The following SDK1 variants were observed in gnomAD, a reference collection of about 807,000 sequenced individuals.
SDK1 encodes protein sidekick-1.
SDK1 carries 157 observed loss-of-function variants against 245.5 expected under a neutral mutation model. The ratio of observed to expected loss-of-function variants is 0.64; its 90% CI spans 0.56 to 0.73. The LOEUF is 0.73. Among genes scored for constraint, SDK1 ranks in the 30% least tolerant of loss-of-function variants. The pLI, the probability that SDK1 is intolerant of heterozygous loss-of-function variation, is 0.00. For synonymous variants in SDK1, 1,647 were observed against 1,278.5 expected, an observed-to-expected ratio of 1.29 and a Z score of -6.15; for missense variants, 3,583 against 3,002.3, an observed-to-expected ratio of 1.19 and a Z score of -4.52.
chr7:3,616,456 G>C (rs758389409), intron 1 of SDK1, among the ~76,000 whole-genome samples: 1 of 152,064 alleles, frequency 6.6e-6, no homozygotes, highest in Non-Finnish European at 1.5e-5. Flanking sequence ...TCACTCTTTC[G>C]TACTGCCCAA....
At chr7:3,827,342 C>G (rs530267100) in intron 5 of SDK1, among the ~76,000 whole-genome samples, 1 of 152,234 alleles carries the variant, frequency 6.6e-6, no homozygotes, top group South Asian at 2.1e-4. Context: ...TGCCTGAGGT[C>G]AAATTTTGCA....
At chr7:3,904,034 C>G (rs1437462278) in intron 5 of SDK1, among the ~76,000 whole-genome samples, 1 of 152,114 alleles carries the variant, frequency 6.6e-6, no homozygotes. Flanking sequence ...CTTGAACTTC[C>G]CAGCCATCAG....
At chr7:4,158,607 T>C (rs991926561) in intron 31 of SDK1, 56 bp downstream of exon 31, 14 of 1,294,684 alleles carry the variant, frequency 1.1e-5, no homozygotes, top group Non-Finnish European at 1.4e-5. Flanking sequence ...GAGCCCGAGA[T>C]ACTTAGGCCA....
At chr7:3,658,382 G>C (rs1332453199) in intron 4 of SDK1, among the ~76,000 whole-genome samples, 2 of 151,952 alleles carry the variant, frequency 1.3e-5, no homozygotes, top group African/African-American at 4.8e-5. Flanking sequence ...ACTGTGCTAG[G>C]CTCTGCGGAT....
At position 3,639,079 on chromosome 7, in the gene SDK1, C is replaced by G. The variant is rs115442516; in HGVS notation, c.534C>G (p.Leu178=). The stretch of plus-strand genomic sequence containing the variant: ...TGGTGCGAAACAGAATGGGAGCACT[C>G]CTGCAAAGAAAATCAGAAGTTCAAG... ...RCVVRNRMGA[L]LQRKSEVQVA... The change falls in exon 3 of 45, where the codon CTC becomes CTG. Residue 178 remains leucine, a synonymous_variant. Coordinates refer to ENST00000404826, the MANE Select transcript of SDK1 (RefSeq NM_152744.4). The G allele has an allele frequency of 5.0e-4, 803 of 1,601,260 alleles. 4 individuals carry two copies. In the African/African-American group the frequency reaches 9.2e-3, roughly 18 times the overall value.
At chr7:3,882,692 G>C (rs902948729) in intron 5 of SDK1, among the ~76,000 whole-genome samples, 1 of 152,042 alleles carries the variant, frequency 6.6e-6, no homozygotes, top group African/African-American at 2.4e-5. Flanking sequence ...TAAGGACTTA[G>C]ACACCGCTGT....
At chr7:3,673,207 A>T (rs767494008) in intron 4 of SDK1, among the ~76,000 whole-genome samples, 1 of 152,176 alleles carries the variant, frequency 6.6e-6, no homozygotes, top group Non-Finnish European at 1.5e-5. Context: ...TACAGACAGG[A>T]TATTGACTAC....
chr7:4,125,368 A>G lies in SDK1; in HGVS notation c.3824-2013A>G, dbSNP rs562977475. On this transcript the variant is annotated intron_variant, in intron 25 of 44. Coordinates refer to ENST00000404826, the MANE Select transcript of SDK1 (RefSeq NM_152744.4). ...AGATGGATGGATGGATGGATGGATG[A>G]ATGGATGGGTGATGGGTGGGTGGAT... Among the ~76,000 whole-genome samples, 422 of 128,132 alleles carry G rather than the reference A, an allele frequency of 3.3e-3. 2 individuals are homozygous for G. The highest frequency in any genetic ancestry group is 6.3e-3 in the South Asian group (22 of 3,492). The allele number at this position is 128,132 out of a possible 152,430, so 84.1% of individuals were successfully genotyped here.
intron 1 of SDK1, among the ~76,000 whole-genome samples, chr7:3,521,437 A>G (rs1782936024): frequency 6.6e-6 from 1 of 152,134 alleles, no homozygotes; most frequent in African/African-American, 2.4e-5. Context: ...ATGTATACAA[A>G]CATACTCTTT....
At chr7:3,987,130 C>A in intron 13 of SDK1, 56 bp from the exon 14 acceptor site, 2 of 1,588,584 alleles carry the variant, frequency 1.3e-6, no homozygotes, top group Non-Finnish European at 1.7e-6. Flanking sequence ...CTCAGGCTCA[C>A]CATGGATTCT....
intron 1 of SDK1, among the ~76,000 whole-genome samples, chr7:3,618,282 A>G (rs1455992435): frequency 6.6e-6 from 1 of 152,312 alleles, no homozygotes; most frequent in East Asian, 1.9e-4. Flanking sequence ...TTCATAAGCC[A>G]TCCCATTACC....
At chr7:3,608,862 C>A (rs1781502954) in intron 1 of SDK1, among the ~76,000 whole-genome samples, 1 of 152,212 alleles carries the variant, frequency 6.6e-6, no homozygotes. Context: ...ATATTCACAG[C>A]TGTTTGAAAA....
chr7:3,823,582 T>G (rs1352659191), intron 5 of SDK1, among the ~76,000 whole-genome samples: 1 of 152,216 alleles, frequency 6.6e-6, no homozygotes, highest in Non-Finnish European at 1.5e-5. Flanking sequence ...TATGTAAATT[T>G]TTTTCAGTAA....
At chr7:3,400,942 C>T (rs560591719) in intron 1 of SDK1, among the ~76,000 whole-genome samples, 1 of 151,310 alleles carries the variant, frequency 6.6e-6, no homozygotes, top group African/African-American at 2.4e-5. Flanking sequence ...CTCAGCTGGC[C>T]GAACTCCAGT....
intron 1 of SDK1, among the ~76,000 whole-genome samples, chr7:3,416,703 C>T (rs539423382): frequency 3.3e-5 from 5 of 152,222 alleles, no homozygotes; most frequent in African/African-American, 4.8e-5. Context: ...ATAGGAAGCC[C>T]TGCTGACGTC....
At chr7:3,927,649 C>G (rs1779819572) in intron 5 of SDK1, among the ~76,000 whole-genome samples, 1 of 152,206 alleles carries the variant, frequency 6.6e-6, no homozygotes, top group South Asian at 2.1e-4. Context: ...CTGCTGCAGC[C>G]AAGAGTCCAT....
chr7:3,930,828 T>C (rs1196600298), intron 5 of SDK1, among the ~76,000 whole-genome samples: 1 of 152,044 alleles, frequency 6.6e-6, no homozygotes, highest in Non-Finnish European at 1.5e-5. Flanking sequence ...GAAAAGTCTC[T>C]CTGAGTAAAA....
intron 4 of SDK1, among the ~76,000 whole-genome samples, chr7:3,658,553 C>G (rs767091992): frequency 4.0e-5 from 6 of 150,828 alleles, no homozygotes; most frequent in Non-Finnish European, 8.8e-5. Context: ...ACAAAAGCAC[C>G]TAATTCAGTG....
At chr7:4,053,663 C>A (rs1000885630) in intron 19 of SDK1, among the ~76,000 whole-genome samples, 1 of 152,094 alleles carries the variant, frequency 6.6e-6, no homozygotes, top group Non-Finnish European at 1.5e-5. Flanking sequence ...CTCCTTGCCA[C>A]TCTCCTGGAA....
Sources: allele counts gnomAD v4.1 joint callset (sites outside exome capture counted in the v4.1 genomes callset), GRCh38; gene constraint gnomAD v4.1.1; transcripts MANE v1.5; gene names NCBI Gene and HGNC (gene_info 2026-07-23, HGNC 2026-07-21).